ASTN2: variants seen among roughly 807,000 people sequenced by gnomAD.
The protein encoded by ASTN2 is astrotactin-2.
A neutral mutation model predicts 139.8 loss-of-function variants in ASTN2; 54 were observed. The observed-to-expected ratio is 0.39, with a 90% CI of 0.31 to 0.48. The LOEUF is 0.48. Ranked by LOEUF, ASTN2 falls within the 20% of genes least tolerant of loss-of-function variation. The pLI, the probability that ASTN2 is intolerant of heterozygous loss-of-function variation, is 0.95. For missense variants in ASTN2, 1,565 were observed against 1,725.1 expected (o/e 0.91, Z 1.64); for synonymous variants, 756 against 719.5 (o/e 1.05, Z -0.81).
At chr9:116,926,409 C>T (rs1376077706) in intron 10 of ASTN2, among the ~76,000 whole-genome samples, 1 of 152,184 alleles carries the variant, frequency 6.6e-6, no homozygotes, top group Admixed American at 6.5e-5. Flanking sequence ...TTGCCAGCTT[C>T]ATCTGCTCTT....
intron 7 of ASTN2, among the ~76,000 whole-genome samples, chr9:116,981,520 T>C (rs1359828009): frequency 6.6e-6 from 1 of 152,212 alleles, no homozygotes; most frequent in African/African-American, 2.4e-5. Context: ...GTTTCATTAT[T>C]CAGAAGAGGA....
At chr9:117,362,484 G>C (rs1587981324) in intron 1 of ASTN2, among the ~76,000 whole-genome samples, 1 of 152,144 alleles carries the variant, frequency 6.6e-6, no homozygotes. Context: ...AGATAGGTCA[G>C]GGTATTTATT....
chr9:117,410,547 G>C (rs2130980252), intron 1 of ASTN2, among the ~76,000 whole-genome samples: 1 of 152,340 alleles, frequency 6.6e-6, no homozygotes, highest in Non-Finnish European at 1.5e-5. Context: ...GCAGCAGAAA[G>C]AATTGAAGCT....
intron 7 of ASTN2, among the ~76,000 whole-genome samples, chr9:117,007,666 A>C (rs1487812810): frequency 6.6e-6 from 1 of 152,188 alleles, no homozygotes; most frequent in Non-Finnish European, 1.5e-5. Context: ...TGAATTAATG[A>C]ATATGCTGTG....
chr9:117,031,624 C>T (rs1477785695), intron 6 of ASTN2, among the ~76,000 whole-genome samples: 3 of 151,906 alleles, frequency 2.0e-5, no homozygotes, highest in African/African-American at 7.3e-5. Context: ...AGAAAAAAAG[C>T]AGGGCTCAAG....
At chr9:116,986,214 C>T (rs10983445) in intron 7 of ASTN2, among the ~76,000 whole-genome samples, 29,190 of 142,536 alleles carry the variant, frequency 0.2, 3,646 homozygotes, top group Admixed American at 0.33. Context: ...TGTCCTTGCC[C>T]CTCTGGGCTG....
At chr9:117,040,851 A>C (rs1838543255) in intron 5 of ASTN2, among the ~76,000 whole-genome samples, 1 of 152,222 alleles carries the variant, frequency 6.6e-6, no homozygotes. Context: ...CATTTAGAAG[A>C]GTTTCACGGT....
At chr9:117,070,548 C>T (rs1316210279) in intron 5 of ASTN2, among the ~76,000 whole-genome samples, 4 of 141,590 alleles carry the variant, frequency 2.8e-5, no homozygotes, top group African/African-American at 5.4e-5. Context: ...TGAATCTGAA[C>T]GATGGCCTGC....
chr9:117,050,402 C>G (rs1343285641), intron 5 of ASTN2, among the ~76,000 whole-genome samples: 3 of 151,934 alleles, frequency 2.0e-5, no homozygotes, highest in African/African-American at 7.2e-5. Flanking sequence ...ATTTACTAGG[C>G]CTCCTGTGAT....
chr9:116,618,256 A>G lies in ASTN2; in HGVS notation c.3355+68T>C, dbSNP rs144037135. 10,498 of 1,513,182 alleles carry G rather than the reference A, an allele frequency of 6.9e-3. 52 individuals carry two copies. Among genetic ancestry groups the G allele is most frequent in the Middle Eastern group, 8.3e-3 (47 of 5,664 alleles). The allele number at this position is 1,513,182 out of a possible 1,614,324, so 93.7% of individuals were successfully genotyped here. A position where few individuals can be genotyped will look rare whatever the true frequency, so the allele number is the denominator to read the frequency against. The stretch of plus-strand genomic sequence containing the variant: ...GACAGATGAGACCAAGTCTCCAAAG[A>G]CAGTAGAAAATCCCAGTTTCCCTCT... On this transcript the variant is annotated intron_variant, in intron 19 of 22. Coordinates refer to ENST00000313400, the MANE Select transcript of ASTN2 (RefSeq NM_001365068.1).
intron 19 of ASTN2, among the ~76,000 whole-genome samples, chr9:116,520,575 C>T (rs917900808): frequency 2.0e-5 from 3 of 152,020 alleles, no homozygotes; most frequent in Non-Finnish European, 4.4e-5. Flanking sequence ...GAAAGCATTC[C>T]CCCTAAGAAC....
chr9:116,884,900 C>A (rs946690449), intron 10 of ASTN2, among the ~76,000 whole-genome samples: 2 of 148,930 alleles, frequency 1.3e-5, no homozygotes, highest in African/African-American at 2.5e-5. Flanking sequence ...ACTGCAAGCT[C>A]CGCCTCCTGG....
chr9:116,450,476 T>G, intron 20 of ASTN2, among the ~76,000 whole-genome samples: 1 of 152,206 alleles, frequency 6.6e-6, no homozygotes. Flanking sequence ...GCTCTCTAAC[T>G]GCAGGTCTAA....
At chr9:117,084,873 C>G (rs144305011) in intron 5 of ASTN2, among the ~76,000 whole-genome samples, 2 of 152,290 alleles carry the variant, frequency 1.3e-5, no homozygotes, top group African/African-American at 4.8e-5. Context: ...CCAGACAGTC[C>G]TATGAAATGG....
intron 2 of ASTN2, among the ~76,000 whole-genome samples, chr9:117,280,509 AC>A: frequency 6.6e-6 from 1 of 152,328 alleles, no homozygotes; most frequent in African/African-American, 2.4e-5. Flanking sequence ...AAGAAAAGAC[AC>A]AGGAGAATGT....
In ASTN2 at chr9:116,699,711, A is replaced by C; in HGVS notation, c.2806+26060T>G. 6.2e-7 allele frequency: 1 copy of C among 1,614,216 alleles called. No individual in the cohort carries two copies. Among genetic ancestry groups the C allele is most frequent in the Admixed American group, 1.7e-5 (1 of 60,032 alleles). ...AAGATATTCCACCCCATAGGGGATG[A>C]GAAATTATCAGTTTCTTCTGCTCCC... On this transcript the variant is annotated intron_variant, in intron 16 of 22. Coordinates refer to ENST00000313400, the MANE Select transcript of ASTN2 (RefSeq NM_001365068.1). This position sits in a 1 kb window ranked among gnomAD's most constrained non-coding sequence, Gnocchi z 4.2.
intron 11 of ASTN2, among the ~76,000 whole-genome samples, chr9:116,855,071 C>A (rs929280146): frequency 7.2e-5 from 11 of 152,042 alleles, no homozygotes; most frequent in Admixed American, 2.0e-4. Flanking sequence ...CACAATAAAA[C>A]CAGCTTACCA....
intron 7 of ASTN2, among the ~76,000 whole-genome samples, chr9:116,995,115 G>A (rs1328569999): frequency 1.3e-5 from 2 of 152,204 alleles, no homozygotes; most frequent in Non-Finnish European, 2.9e-5. Flanking sequence ...ACCACCACAA[G>A]ATGCTTATTA....
intron 17 of ASTN2, among the ~76,000 whole-genome samples, chr9:116,650,016 C>A (rs700149): frequency 2.6e-5 from 4 of 152,076 alleles, no homozygotes; most frequent in Non-Finnish European, 2.9e-5. Context: ...TCTCCCATGC[C>A]TTCTCTTTCC....
Sources: gnomAD v4.1 joint callset for allele counts (sites outside exome capture counted in the v4.1 genomes callset) on GRCh38, gnomAD v4.1.1 for gene constraint, Gnocchi (gnomAD v3.1) non-coding constraint, MANE v1.5 for transcripts, NCBI Gene and HGNC (gene_info 2026-07-23, HGNC 2026-07-21) for gene names.